The following PTPRD variants were observed in gnomAD, a reference collection of about 807,000 sequenced individuals.
PTPRD encodes protein tyrosine phosphatase receptor type D, also known as receptor-type tyrosine-protein phosphatase delta.
PTPRD carries 34 observed loss-of-function variants against 214.5 expected under a neutral mutation model. The ratio of observed to expected loss-of-function variants is 0.16; its 90% CI spans 0.12 to 0.21. The LOEUF (loss-of-function observed/expected upper bound fraction) is 0.21. PTPRD is among the 10% of genes least tolerant of loss of function. The pLI, the probability that PTPRD is intolerant of heterozygous loss-of-function variation, is 1.00. For missense variants in PTPRD, 2,545 were observed against 2,398.7 expected, an observed-to-expected ratio of 1.06 and a Z score of -1.27; for synonymous variants, 1,128 against 845.7, an observed-to-expected ratio of 1.33 and a Z score of -5.79.
At chr9:10,564,572 G>A (rs902760121) in intron 2 of PTPRD, among the ~76,000 whole-genome samples, 11 of 151,948 alleles carry the variant, frequency 7.2e-5, no homozygotes, top group Non-Finnish European at 2.9e-5. Context: ...ATATCCTTTA[G>A]AGCATTTCTA....
chr9:9,883,555 C>G (rs780921524), intron 5 of PTPRD, among the ~76,000 whole-genome samples: 3 of 152,058 alleles, frequency 2.0e-5, no homozygotes, highest in Non-Finnish European at 4.4e-5. Context: ...GTCTCTTAAT[C>G]AATTATGAAT....
intron 2 of PTPRD, among the ~76,000 whole-genome samples, chr9:10,341,797 G>T (rs1044640461): frequency 3.3e-5 from 5 of 151,640 alleles, no homozygotes; most frequent in Non-Finnish European, 5.9e-5. Context: ...GATATAGAAA[G>T]CACCAGCTGA....
intron 11 of PTPRD, among the ~76,000 whole-genome samples, chr9:8,983,866 A>G (rs555384723): frequency 6.6e-6 from 1 of 152,170 alleles, no homozygotes; most frequent in East Asian, 1.9e-4. Context: ...TCTAGGTATT[A>G]TCATTGCTTT....
chr9:8,444,545 G>GA (rs202007841), intron 34 of PTPRD, among the ~76,000 whole-genome samples: 1 of 151,170 alleles, frequency 6.6e-6, no homozygotes, highest in Non-Finnish European at 1.5e-5. Flanking sequence ...AAATAAAAAA[G>GA]AAAAAAAAGT....
At chr9:8,465,824 C>T in intron 31 of PTPRD, 149 bp from the exon 32 acceptor site, 1 of 655,048 alleles carries the variant, frequency 1.5e-6, no homozygotes, top group Non-Finnish European at 2.6e-6. Flanking sequence ...CACTAAATCT[C>T]AGTTCTCTCA....
intron 14 of PTPRD, among the ~76,000 whole-genome samples, chr9:8,540,987 G>C (rs901957869): frequency 9.9e-5 from 15 of 152,154 alleles, no homozygotes; most frequent in African/African-American, 3.6e-4. Context: ...GTTTTCTTTA[G>C]AGGGTGTCTT....
chr9:9,893,084 G>C (rs2073914077), intron 5 of PTPRD, among the ~76,000 whole-genome samples: 1 of 152,024 alleles, frequency 6.6e-6, no homozygotes, highest in Non-Finnish European at 1.5e-5. Context: ...GTTCAGGAGA[G>C]TGCTTCAGGC....
At chr9:9,435,195 G>C (rs929945611) in intron 8 of PTPRD, among the ~76,000 whole-genome samples, 1 of 151,986 alleles carries the variant, frequency 6.6e-6, no homozygotes, top group African/African-American at 2.4e-5. Flanking sequence ...GCTAGTAAGT[G>C]GGAAAAAGTT....
chr9:8,494,388 G>T (rs2097214668), intron 26 of PTPRD, among the ~76,000 whole-genome samples: 2 of 152,184 alleles, frequency 1.3e-5, no homozygotes, highest in African/African-American at 4.8e-5. Flanking sequence ...TGGGAGAAAT[G>T]TTGTATTTCC....
At chr9:8,662,190 A>G (rs1405981321) in intron 12 of PTPRD, among the ~76,000 whole-genome samples, 2 of 152,206 alleles carry the variant, frequency 1.3e-5, no homozygotes, top group Admixed American at 6.5e-5. Context: ...TCACAACTGC[A>G]TGTTTAATTA....
intron 3 of PTPRD, among the ~76,000 whole-genome samples, chr9:10,172,489 T>C (rs2099215478): frequency 6.6e-6 from 1 of 152,250 alleles, no homozygotes; most frequent in South Asian, 2.1e-4. Flanking sequence ...ATTATTTGAA[T>C]CTGTTCTAAC....
intron 7 of PTPRD, among the ~76,000 whole-genome samples, chr9:9,589,114 G>A (rs992681460): frequency 1.3e-5 from 2 of 151,860 alleles, no homozygotes; most frequent in Non-Finnish European, 2.9e-5. Context: ...CAACTAACTG[G>A]AGAAATATTT....
chr9:10,226,765 T>C (rs2099590204), intron 3 of PTPRD, among the ~76,000 whole-genome samples: 1 of 152,022 alleles, frequency 6.6e-6, no homozygotes, highest in Non-Finnish European at 1.5e-5. Context: ...TGTGTATGTG[T>C]TGTAGGGACT....
At chr9:8,380,867 G>T (rs1490816075) in intron 37 of PTPRD, among the ~76,000 whole-genome samples, 1 of 152,010 alleles carries the variant, frequency 6.6e-6, no homozygotes, top group Non-Finnish European at 1.5e-5. Flanking sequence ...CAATTAACTA[G>T]ATTGGCTTAT....
chr9:9,602,579 C>T (rs988320588), intron 7 of PTPRD, among the ~76,000 whole-genome samples: 5 of 151,856 alleles, frequency 3.3e-5, no homozygotes, highest in South Asian at 2.1e-4. Flanking sequence ...ACCTGAGTAC[C>T]CTCATCGCTC....
At chr9:10,400,602 G>T (rs2098253647) in intron 2 of PTPRD, among the ~76,000 whole-genome samples, 1 of 151,314 alleles carries the variant, frequency 6.6e-6, no homozygotes, top group Non-Finnish European at 1.5e-5. Context: ...ACATCAAATG[G>T]AATATTGTTG....
intron 5 of PTPRD, among the ~76,000 whole-genome samples, chr9:9,912,401 A>C (rs2079449840): frequency 6.6e-6 from 1 of 152,132 alleles, no homozygotes. Context: ...GCCAACTTTG[A>C]TTATGCTGTA....
intron 5 of PTPRD, among the ~76,000 whole-genome samples, chr9:9,929,944 C>A (rs910539791): frequency 6.6e-6 from 1 of 152,032 alleles, no homozygotes; most frequent in South Asian, 2.1e-4. Context: ...ATGAGGACAC[C>A]AGAGATAATG....
intron 36 of PTPRD, among the ~76,000 whole-genome samples, chr9:8,403,321 T>A (rs1466054758): frequency 6.6e-6 from 1 of 152,238 alleles, no homozygotes; most frequent in Non-Finnish European, 1.5e-5. Context: ...CTATAATTTA[T>A]TTGTTTTCTA....
Sources: allele counts gnomAD v4.1 joint callset (sites outside exome capture counted in the v4.1 genomes callset), GRCh38; gene constraint gnomAD v4.1.1; transcripts MANE v1.5; gene names NCBI Gene and HGNC (gene_info 2026-07-23, HGNC 2026-07-21).